Variants in LRRC4C observed in about 807,000 individuals in gnomAD.
LRRC4C encodes leucine-rich repeat-containing protein 4C.
A neutral mutation model predicts 33.6 loss-of-function variants in LRRC4C; 5 were observed. The ratio of observed to expected loss-of-function variants is 0.15; its 90% CI spans 0.08 to 0.31. The LOEUF (loss-of-function observed/expected upper bound fraction) is 0.31. LRRC4C is among the 10% of genes least tolerant of loss of function. The probability of loss-of-function intolerance (pLI) is 1.00; values close to 1 mark genes in which losing one functional copy is unlikely to be tolerated. For missense variants in LRRC4C, 560 were observed against 796.7 expected (o/e 0.70, Z 3.58); for synonymous variants, 329 against 302.0 (o/e 1.09, Z -0.93).
At chr11:40,247,092 T>G (rs1866400202) in intron 4 of LRRC4C, among the ~76,000 whole-genome samples, 1 of 151,664 alleles carries the variant, frequency 6.6e-6, no homozygotes, top group Non-Finnish European at 1.5e-5. Flanking sequence ...ACTCAGAGCC[T>G]GTAACTCCTT....
chr11:40,546,073 CCT>C (rs1565492024), intron 3 of LRRC4C, among the ~76,000 whole-genome samples: 1 of 114,468 alleles, frequency 8.7e-6, no homozygotes, highest in Non-Finnish European at 1.7e-5. Context: ...TTCCTTCCTT[CCT>C]TCCTTCCTAC....
At chr11:41,153,205 G>T (rs1420526858) in intron 1 of LRRC4C, among the ~76,000 whole-genome samples, 1 of 152,006 alleles carries the variant, frequency 6.6e-6, no homozygotes, top group East Asian at 1.9e-4. Context: ...TCATTTCCAT[G>T]AAAAAAATTA....
At chr11:41,441,169 A>G (rs1348140970) in intron 1 of LRRC4C, among the ~76,000 whole-genome samples, 2 of 152,166 alleles carry the variant, frequency 1.3e-5, no homozygotes, top group Non-Finnish European at 2.9e-5. Flanking sequence ...TTTTGCCAGG[A>G]CTATAACTGA....
intron 3 of LRRC4C, among the ~76,000 whole-genome samples, chr11:40,333,146 A>AT (rs1219704872): frequency 2.0e-5 from 3 of 151,560 alleles, no homozygotes; most frequent in South Asian, 2.1e-4. Context: ...CTCACTTTCA[A>AT]TTTTTTTTTG....
intron 1 of LRRC4C, among the ~76,000 whole-genome samples, chr11:41,122,007 A>G (rs910493080): frequency 2.0e-5 from 3 of 152,186 alleles, no homozygotes; most frequent in Non-Finnish European, 1.5e-5. Flanking sequence ...GGATAAATAA[A>G]GAAAAATGTA....
chr11:40,813,714 T>C (rs1951587897), intron 2 of LRRC4C, among the ~76,000 whole-genome samples: 1 of 152,052 alleles, frequency 6.6e-6, no homozygotes, highest in South Asian at 2.1e-4. Flanking sequence ...AGCACGATAG[T>C]TACTTACTAG....
At chr11:40,460,916 A>C (rs1952362517) in intron 3 of LRRC4C, among the ~76,000 whole-genome samples, 1 of 152,152 alleles carries the variant, frequency 6.6e-6, no homozygotes, top group African/African-American at 2.4e-5. Context: ...TTTCCTTAAT[A>C]TATGAAAAGG....
At chr11:41,299,753 A>T (rs1950235267) in intron 1 of LRRC4C, among the ~76,000 whole-genome samples, 2 of 152,136 alleles carry the variant, frequency 1.3e-5, no homozygotes, top group African/African-American at 4.8e-5. Context: ...TTATAAAGAG[A>T]AGAAAATTTT....
intron 3 of LRRC4C, among the ~76,000 whole-genome samples, chr11:40,480,111 A>C (rs564267959): frequency 3.9e-4 from 60 of 152,236 alleles, no homozygotes; most frequent in African/African-American, 1.4e-3. Flanking sequence ...CCCTCCATAA[A>C]ACAGAGATAT....
chr11:41,133,304 G>A (rs1214364904), intron 1 of LRRC4C, among the ~76,000 whole-genome samples: 1 of 152,150 alleles, frequency 6.6e-6, no homozygotes, highest in East Asian at 1.9e-4. Flanking sequence ...AGGGGATGGT[G>A]GGGAAAGTGA....
chr11:41,009,898 C>T (rs746594522), intron 1 of LRRC4C, among the ~76,000 whole-genome samples: 7 of 152,040 alleles, frequency 4.6e-5, no homozygotes, highest in Non-Finnish European at 1.0e-4. Flanking sequence ...CAAACGTAAT[C>T]AATTTATAAT....
chr11:40,159,324 TC>T (rs927785907), intron 5 of LRRC4C, among the ~76,000 whole-genome samples: 2 of 152,090 alleles, frequency 1.3e-5, no homozygotes, highest in African/African-American at 2.4e-5. Flanking sequence ...TCTGCAGAAA[TC>T]AAGTGATTAA....
chr11:41,145,494 T>G (rs1205764777), intron 1 of LRRC4C, among the ~76,000 whole-genome samples: 3 of 116,428 alleles, frequency 2.6e-5, no homozygotes, highest in African/African-American at 9.0e-5. Context: ...ACACAGCCCA[T>G]GCACATTTAT....
chr11:41,192,398 T>TACACAC (rs148065178), intron 1 of LRRC4C, among the ~76,000 whole-genome samples: 36 of 145,802 alleles, frequency 2.5e-4, no homozygotes, highest in African/African-American at 8.7e-4. Flanking sequence ...AAGAAGATCA[T>TACACAC]ACACACACAC....
At chr11:40,385,891 T>TAAATAAATAAATAAAA (rs761529340) in intron 3 of LRRC4C, among the ~76,000 whole-genome samples, 3 of 138,826 alleles carry the variant, frequency 2.2e-5, no homozygotes, top group East Asian at 2.0e-4. Context: ...AATAAATAAA[T>TAAATAAATAAATAAAA]AAAATAAAAT....
intron 5 of LRRC4C, among the ~76,000 whole-genome samples, chr11:40,209,630 C>T (rs1172074626): frequency 2.0e-5 from 3 of 152,036 alleles, no homozygotes; most frequent in Non-Finnish European, 2.9e-5. Flanking sequence ...GCAACCTCTG[C>T]CTCCTGGGTT....
intron 2 of LRRC4C, among the ~76,000 whole-genome samples, chr11:40,782,973 C>A (rs1170730560): frequency 1.3e-5 from 2 of 152,010 alleles, no homozygotes; most frequent in African/African-American, 4.8e-5. Context: ...TTAGTTTTGA[C>A]CACCACTTGG....
intron 6 of LRRC4C, among the ~76,000 whole-genome samples, chr11:40,128,420 T>C (rs1424703600): frequency 6.6e-6 from 1 of 152,260 alleles, no homozygotes; most frequent in Non-Finnish European, 1.5e-5. Context: ...AGATTATATG[T>C]TATCTTCATT....
chr11:40,136,572 G>T (rs573904618), intron 6 of LRRC4C, among the ~76,000 whole-genome samples: 1 of 151,946 alleles, frequency 6.6e-6, no homozygotes, highest in South Asian at 2.1e-4. Context: ...CACCACGCCC[G>T]GCCCATCCAG....
Sources: allele counts gnomAD v4.1 joint callset (sites outside exome capture counted in the v4.1 genomes callset), GRCh38; gene constraint gnomAD v4.1.1; transcripts MANE v1.5; gene names NCBI Gene and HGNC (gene_info 2026-07-23, HGNC 2026-07-21).